Variants in CLEC4A observed in about 807,000 individuals in gnomAD.
CLEC4A encodes C-type (calcium dependent, carbohydrate-recognition domain) lectin, superfamily member 6.
A neutral mutation model predicts 32.7 loss-of-function variants in CLEC4A; 27 were observed. That is an observed-to-expected ratio of 0.83 (90% CI 0.61 to 1.14). The LOEUF (loss-of-function observed/expected upper bound fraction) is 1.14. Among genes scored for constraint, CLEC4A ranks in the 50% most tolerant of loss-of-function variants. The pLI, the probability that CLEC4A is intolerant of heterozygous loss-of-function variation, is 0.00. For missense variants in CLEC4A, 253 were observed against 274.6 expected, an observed-to-expected ratio of 0.92 and a Z score of 0.55; for synonymous variants, 89 against 93.7, an observed-to-expected ratio of 0.95 and a Z score of 0.29.
At chr12:8,105,881 CTTTAG>C in the CLEC4A span, among the ~76,000 whole-genome samples, 1 of 152,144 alleles carries the variant, frequency 6.6e-6, no homozygotes, top group South Asian at 2.1e-4. Flanking sequence ...TCCAGAAGCT[CTTTAG>C]TTTAATTTGG....
chr12:8,106,817 G>T, the CLEC4A span, among the ~76,000 whole-genome samples: 1 of 152,088 alleles, frequency 6.6e-6, no homozygotes, highest in Non-Finnish European at 1.5e-5. Flanking sequence ...CATCTCATCT[G>T]CAAACAGATG....
At chr12:8,134,631 G>A (rs1429372228) in intron 3 of CLEC4A, 1 of 1,608,986 alleles carries the variant, frequency 6.2e-7, no homozygotes, top group African/African-American at 1.3e-5. Flanking sequence ...CCCACAGTAC[G>A]CCATCCCCCC....
chr12:8,111,178 CTTTTT>C, the CLEC4A span, among the ~76,000 whole-genome samples: 2 of 100,326 alleles, frequency 2.0e-5, no homozygotes, highest in Non-Finnish European at 4.0e-5. Context: ...GGCCCAACAT[CTTTTT>C]TTTTTTTTTT....
At chr12:8,116,197 A>G in the CLEC4A span, among the ~76,000 whole-genome samples, 3 of 152,082 alleles carry the variant, frequency 2.0e-5, no homozygotes, top group Non-Finnish European at 1.5e-5. Flanking sequence ...CCTGACCTCA[A>G]ATGACCCACC....
chr12:8,134,500 G>C (rs778008978), intron 3 of CLEC4A: 2 of 1,613,514 alleles, frequency 1.2e-6, no homozygotes, highest in Non-Finnish European at 1.7e-6. Context: ...GCACCAGAGG[G>C]GACGGTGCAG....
chr12:8,138,145 G>A lies in CLEC4A; in HGVS notation c.572G>A (p.Trp191Ter). 1.2e-6 allele frequency: 2 copies of A among 1,613,506 alleles called. No individual in the cohort carries two copies. The highest frequency in any genetic ancestry group is 2.7e-5 in the African/African-American group (2 of 74,918). ...ATCCTTTTTGTCGCTTTCAGATTCT[G>A]GCATCCACGTGAGCCCAGTGATCCC... Reference protein sequence around the residue: ...QTPYNESSTFWHPREPSDPNE... With the variant: ...QTPYNESSTF Residue 191 changes from tryptophan (W) to a stop codon, truncating the protein, a stop_gained, in exon 6 of 6, where the codon TGG (tryptophan) becomes TAG (stop). Coordinates refer to ENST00000229332, the MANE Select transcript of CLEC4A (RefSeq NM_016184.4). LOFTEE classifies it high-confidence loss of function.
chr12:8,111,841 G>A, the CLEC4A span, among the ~76,000 whole-genome samples: 4 of 151,666 alleles, frequency 2.6e-5, no homozygotes, highest in South Asian at 2.1e-4. Flanking sequence ...GGTGAAATGC[G>A]ATTAATTAAA....
chr12:8,117,854 G>A, the CLEC4A span, among the ~76,000 whole-genome samples: 6 of 152,120 alleles, frequency 3.9e-5, no homozygotes, highest in Non-Finnish European at 7.3e-5. Flanking sequence ...AGAATTAGAT[G>A]CCAAAAAGAA....
chr12:8,108,279 T>G, the CLEC4A span, among the ~76,000 whole-genome samples: 3 of 152,140 alleles, frequency 2.0e-5, no homozygotes, highest in African/African-American at 7.2e-5. Context: ...AGATTTTACT[T>G]TGGTATATAG....
intron 2 of CLEC4A, among the ~76,000 whole-genome samples, chr12:8,128,616 G>T (rs7138330): frequency 6.6e-6 from 1 of 151,796 alleles, no homozygotes; most frequent in South Asian, 2.1e-4. Flanking sequence ...TCACCATCTT[G>T]GCCAGGCTAG....
chr12:8,115,760 C>T, the CLEC4A span, among the ~76,000 whole-genome samples: 1 of 151,692 alleles, frequency 6.6e-6, no homozygotes, highest in African/African-American at 2.4e-5. Context: ...AAATAATATC[C>T]ACCAGATAAT....
At position 8,123,802 on chromosome 12, in the gene CLEC4A, T is replaced by G; in HGVS notation, c.-77T>G. ...GGAAGGAGGTAATTTACCACCATGT[T>G]TGGTTCCTGTTTATAAGATGTTTTA... On this transcript the variant is annotated 5_prime_UTR_variant, in exon 1 of 6. Transcript: ENST00000229332. The G allele has an allele frequency of 1.0e-6, 1 of 1,001,332 alleles. No individual in the cohort carries two copies. Among genetic ancestry groups the G allele is most frequent in the Non-Finnish European group, 1.6e-6 (1 of 632,110 alleles). 62.0% of individuals were successfully genotyped at this position (1,001,332 alleles called of 1,614,324 possible). A position where few individuals can be genotyped will look rare whatever the true frequency, so the allele number is the denominator to read the frequency against.
upstream of CLEC4A, among the ~76,000 whole-genome samples, chr12:8,118,718 A>T (rs778823901): frequency 8.3e-4 from 127 of 152,330 alleles, no homozygotes; most frequent in African/African-American, 3.0e-3. Flanking sequence ...AACACTGAGG[A>T]TTATAATTTG....
the CLEC4A span, among the ~76,000 whole-genome samples, chr12:8,114,405 C>T: frequency 0.29 from 44,500 of 151,756 alleles, 6,950 homozygotes; most frequent in East Asian, 0.44. Context: ...CCACCACGCC[C>T]GGCTAATTTT....
the CLEC4A span, among the ~76,000 whole-genome samples, chr12:8,115,887 C>A: frequency 8.0e-3 from 1,210 of 152,144 alleles, 17 homozygotes; most frequent in African/African-American, 0.027. Context: ...CTCCTGGGCT[C>A]AAGTGATCCT....
chr12:8,112,101 T>A, the CLEC4A span, among the ~76,000 whole-genome samples: 8 of 152,098 alleles, frequency 5.3e-5, no homozygotes, highest in Non-Finnish European at 4.4e-5. Context: ...CCTGAGTAGC[T>A]GGGATTACAG....
chr12:8,115,058 T>C, the CLEC4A span, among the ~76,000 whole-genome samples: 1 of 152,060 alleles, frequency 6.6e-6, no homozygotes, highest in Non-Finnish European at 1.5e-5. Context: ...CCAAAGAGGG[T>C]TCAAGCACCG....
chr12:8,130,641 C>T (rs889390221), intron 3 of CLEC4A, among the ~76,000 whole-genome samples: 1 of 152,114 alleles, frequency 6.6e-6, no homozygotes, highest in Non-Finnish European at 1.5e-5. Context: ...CTCAGCCTCC[C>T]CGTGCTGGGA....
the CLEC4A span, among the ~76,000 whole-genome samples, chr12:8,118,321 T>C: frequency 2.6e-5 from 4 of 151,878 alleles, no homozygotes; most frequent in African/African-American, 9.7e-5. Context: ...TATTTGTCCA[T>C]AAAAAAGAAT....
Sources: gnomAD v4.1 joint callset for allele counts (sites outside exome capture counted in the v4.1 genomes callset) on GRCh38, gnomAD v4.1.1 for gene constraint, MANE v1.5 for transcripts, NCBI Gene and HGNC (gene_info 2026-07-23, HGNC 2026-07-21) for gene names.